Variants in LCLAT1 observed in about 807,000 individuals in gnomAD.
LCLAT1 encodes the protein 1-AGP acyltransferase 8.
LCLAT1 carries 11 observed loss-of-function variants against 30.7 expected under a neutral mutation model. That is an observed-to-expected ratio of 0.36 (90% confidence interval 0.23 to 0.59). LCLAT1 has a LOEUF of 0.59. Ranked by LOEUF, LCLAT1 falls within the 20% of genes least tolerant of loss-of-function variation. The pLI, the probability that LCLAT1 is intolerant of heterozygous loss-of-function variation, is 0.77. For missense variants in LCLAT1, 402 were observed against 458.6 expected (o/e 0.88, Z 1.13); for synonymous variants, 155 against 151.3 (o/e 1.02, Z -0.18).
At chr2:30,592,194 C>T (rs1286171472) in intron 5 of LCLAT1, among the ~76,000 whole-genome samples, 1 of 152,122 alleles carries the variant, frequency 6.6e-6, no homozygotes, top group Non-Finnish European at 1.5e-5. Flanking sequence ...AAGAAATGAA[C>T]CAAAACTCGG....
At chr2:30,559,623 A>T (rs2148437271) in intron 3 of LCLAT1, among the ~76,000 whole-genome samples, 1 of 152,298 alleles carries the variant, frequency 6.6e-6, no homozygotes, top group East Asian at 1.9e-4. Flanking sequence ...CTATAGCTTT[A>T]TTTAATTTTT....
Position 30,480,945 on chromosome 2 carries a change from G to C in LCLAT1, c.-5+33562G>C, listed in dbSNP as rs572453768. Among the ~76,000 whole-genome samples, 2 of 152,278 alleles carry C rather than the reference G, an allele frequency of 1.3e-5. 1 individual carries two copies. Among genetic ancestry groups the C allele is most frequent in the South Asian group, 4.1e-4 (2 of 4,826 alleles). ...GCTGGCTGTAATGAGAGCCATAAAC[G>C]AAGCACTCAGGACTGAGACAAAATC... On this transcript the variant is annotated intron_variant, in intron 1 of 5. Coordinates refer to ENST00000379509, the MANE Select transcript of LCLAT1 (RefSeq NM_001002257.3).
intron 5 of LCLAT1, among the ~76,000 whole-genome samples, chr2:30,608,534 G>C (rs1313685797): frequency 1.3e-5 from 2 of 151,984 alleles, no homozygotes; most frequent in East Asian, 3.9e-4. Context: ...TAAGTGCCCT[G>C]TAGAGGTATA....
intron 4 of LCLAT1, among the ~76,000 whole-genome samples, chr2:30,562,627 A>G (rs916561487): frequency 2.0e-5 from 3 of 152,108 alleles, no homozygotes; most frequent in Non-Finnish European, 4.4e-5. Context: ...ATAGTAGGCA[A>G]CTCCAAGCGG....
rs996712397 is a variant in LCLAT1 at position 30,583,644 on chromosome 2, T to C, written c.628+15468T>C. 2.0e-5 allele frequency among the ~76,000 whole-genome samples: 3 copies of C among 152,174 alleles called. No individual in the cohort carries two copies. The East Asian group carries it at 5.8e-4, about 29-fold the overall frequency. ...TGAAATTGTCCGAATTTGGCCAGTGTATTATATTAAGTGATAGCAAATGGA... is the reference window on the plus strand; with the variant it reads ...TGAAATTGTCCGAATTTGGCCAGTGCATTATATTAAGTGATAGCAAATGGA... On this transcript the variant is annotated intron_variant, in intron 5 of 5. Coordinates refer to ENST00000379509, the MANE Select transcript of LCLAT1 (RefSeq NM_001002257.3).
At chr2:30,599,978 A>AGACTT (rs1356803911) in intron 5 of LCLAT1, among the ~76,000 whole-genome samples, 1 of 152,188 alleles carries the variant, frequency 6.6e-6, no homozygotes, top group Non-Finnish European at 1.5e-5. Context: ...GTTATTTTGC[A>AGACTT]GACTTGTCAA....
intron 5 of LCLAT1, among the ~76,000 whole-genome samples, chr2:30,598,601 G>C (rs1558545327): frequency 6.6e-6 from 1 of 151,668 alleles, no homozygotes; most frequent in African/African-American, 2.4e-5. Context: ...CCAGCTTGTG[G>C]ATTCATTGAT....
In LCLAT1 at chr2:30,514,698, C is replaced by T. The variant is rs2148364085; in HGVS notation, c.-4-10889C>T. On this transcript the variant is annotated intron_variant, in intron 1 of 5. Coordinates refer to ENST00000379509, the MANE Select transcript of LCLAT1 (RefSeq NM_001002257.3). ...CAGGTTAAGTAATGTGGTTGTGATC[C>T]TCTGGCTGTTGAGTGTTGGAGCTGC... Among the ~76,000 whole-genome samples, 2 of 152,234 alleles carry T rather than the reference C, an allele frequency of 1.3e-5. 1 individual carries two copies. The highest frequency in any genetic ancestry group is 4.2e-4 in the South Asian group (2 of 4,818).
At chr2:30,464,810 T>TA (rs1481460293) in intron 1 of LCLAT1, among the ~76,000 whole-genome samples, 1 of 152,222 alleles carries the variant, frequency 6.6e-6, no homozygotes, top group East Asian at 1.9e-4. Context: ...ACTAGGATAG[T>TA]ATCTAATTCC....
In LCLAT1 at chr2:30,528,170, T is replaced by C. The variant is rs549358495; in HGVS notation, c.165+2415T>C. ...AGCAAGTTGCACATATCACTTTTGC[T>C]TACTCTATTGGTAAGAGCAGCTAAA... On this transcript the variant is annotated intron_variant, in intron 2 of 5. Transcript: ENST00000379509. 3.3e-5 allele frequency among the ~76,000 whole-genome samples: 5 copies of C among 152,344 alleles called. No homozygotes were observed. In the South Asian group the frequency reaches 1.0e-3, roughly 32 times the overall value.
At chr2:30,485,397 G>A (rs72856617) in intron 1 of LCLAT1, among the ~76,000 whole-genome samples, 2,051 of 152,122 alleles carry the variant, frequency 0.013, 34 homozygotes, top group African/African-American at 0.046. Flanking sequence ...AGGCAGTATC[G>A]TGCAATGTCA....
chr2:30,504,389 G>A (rs994648521), intron 1 of LCLAT1, among the ~76,000 whole-genome samples: 2 of 152,156 alleles, frequency 1.3e-5, no homozygotes, highest in Admixed American at 6.6e-5. Context: ...AATGGGAAGA[G>A]ATAAATGCTA....
intron 5 of LCLAT1, among the ~76,000 whole-genome samples, chr2:30,623,411 T>C (rs116373514): frequency 0.015 from 2,282 of 152,102 alleles, 52 homozygotes; most frequent in African/African-American, 0.053. Flanking sequence ...CAGAAATAGA[T>C]AGCATAGATA....
At chr2:30,541,419 C>CA (rs1332321719) in intron 3 of LCLAT1, among the ~76,000 whole-genome samples, 2 of 148,230 alleles carry the variant, frequency 1.3e-5, no homozygotes, top group Non-Finnish European at 3.0e-5. Flanking sequence ...AGTTATTAAA[C>CA]AAAAAATCTA....
rs545602046 is a variant in LCLAT1 at position 30,637,515 on chromosome 2, G to T, written c.629-2602G>T. Among the ~76,000 whole-genome samples, 18 of 152,208 alleles carry T rather than the reference G, an allele frequency of 1.2e-4. No individual in the cohort carries two copies. In the South Asian group the frequency reaches 3.7e-3, roughly 32 times the overall value. ...GTCAGCGCCAGCCCTTTCTCAAATGGTAAATAGATCACCTCTTGATAGCTC... is the reference window on the plus strand; with the variant it reads ...GTCAGCGCCAGCCCTTTCTCAAATGTTAAATAGATCACCTCTTGATAGCTC... On this transcript the variant is annotated intron_variant, in intron 5 of 5. Coordinates refer to ENST00000379509, the MANE Select transcript of LCLAT1 (RefSeq NM_001002257.3).
intron 2 of LCLAT1, 77 bp from the exon 3 acceptor site, chr2:30,533,039 T>C: frequency 3.0e-6 from 3 of 998,068 alleles, no homozygotes; most frequent in Middle Eastern, 2.2e-4. Flanking sequence ...TCATAAGATT[T>C]ATTTATAGGG....
intron 1 of LCLAT1, among the ~76,000 whole-genome samples, chr2:30,509,446 C>T (rs1684829326): frequency 6.6e-6 from 1 of 152,124 alleles, no homozygotes; most frequent in Non-Finnish European, 1.5e-5. Flanking sequence ...TCCTTAAAAG[C>T]CCAGTTATTG....
chr2:30,458,421 A>G (rs1385627964), intron 1 of LCLAT1, among the ~76,000 whole-genome samples: 2 of 152,232 alleles, frequency 1.3e-5, no homozygotes, highest in Non-Finnish European at 2.9e-5. Flanking sequence ...AGATTTGGGC[A>G]TGCTCCTCAG....
intron 1 of LCLAT1, among the ~76,000 whole-genome samples, chr2:30,485,721 A>C (rs1261169544): frequency 2.6e-5 from 4 of 152,176 alleles, no homozygotes; most frequent in African/African-American, 9.6e-5. Flanking sequence ...AACCTATAGT[A>C]AATAGGAAAA....
Sources: allele counts gnomAD v4.1 joint callset (sites outside exome capture counted in the v4.1 genomes callset), GRCh38; gene constraint gnomAD v4.1.1; transcripts MANE v1.5; gene names NCBI Gene and HGNC (gene_info 2026-07-23, HGNC 2026-07-21).